Variants in PUS7L observed in about 807,000 individuals in gnomAD.
PUS7L encodes the protein pseudouridylate synthase PUS7L.
Under a neutral mutation model 51.1 loss-of-function variants are expected in PUS7L, and 49 were observed. The ratio of observed to expected loss-of-function variants is 0.96; its 90% CI spans 0.76 to 1.22. The LOEUF (loss-of-function observed/expected upper bound fraction) is 1.22, where lower values mean the gene tolerates loss of function less well. PUS7L is among the 50% of genes most tolerant of loss of function. The pLI is 0.00. For missense variants in PUS7L, 828 were observed against 820.6 expected (o/e 1.01, Z -0.11); for synonymous variants, 277 against 276.2 (o/e 1.00, Z -0.03).
intron 3 of PUS7L, among the ~76,000 whole-genome samples, chr12:43,747,029 T>C (rs1330214582): frequency 1.3e-5 from 2 of 152,188 alleles, no homozygotes; most frequent in Non-Finnish European, 2.9e-5. Flanking sequence ...ACCTTTTTTG[T>C]CCCCCATATA....
At position 43,746,730 on chromosome 12, in the gene PUS7L, A is replaced by T. The variant is rs144718971; in HGVS notation, c.1071-492T>A. On this transcript the variant is annotated intron_variant, in intron 3 of 8. Transcript: ENST00000344862. ...TTTTTAGAGTAACTTGTATGACCCT[A>T]TAAGGGCTGATTTAAAATTTCCTTT... 2.6e-3 allele frequency among the ~76,000 whole-genome samples: 398 copies of T among 152,326 alleles called. 4 individuals are homozygous for T. The highest frequency in any genetic ancestry group is 5.6e-3 in the Admixed American group (85 of 15,294).
At chr12:43,735,296 G>A (rs946386195) in intron 7 of PUS7L, among the ~76,000 whole-genome samples, 2 of 151,278 alleles carry the variant, frequency 1.3e-5, no homozygotes, top group Non-Finnish European at 2.9e-5. Flanking sequence ...CAGCCTGGGC[G>A]ACAGAGCGAG....
At chr12:43,757,617 G>A (rs545197463) in intron 1 of PUS7L, among the ~76,000 whole-genome samples, 1 of 152,268 alleles carries the variant, frequency 6.6e-6, no homozygotes, top group East Asian at 1.9e-4. Flanking sequence ...TACTACTGAT[G>A]ATCACACATT....
chr12:43,730,160 C>A lies in PUS7L; in HGVS notation c.*216G>T, dbSNP rs1458506422. 4.0e-6 allele frequency: 2 copies of A among 497,470 alleles called. No homozygotes were observed. The highest frequency in any genetic ancestry group is 5.2e-4 in the Middle Eastern group (1 of 1,914). 30.8% of individuals were successfully genotyped at this position (497,470 alleles called of 1,614,324 possible). A position where few individuals can be genotyped will look rare whatever the true frequency, so the allele number is the denominator to read the frequency against. ...ACTGAAACATATAATAGAAAAAAAA[C>A]ACAGGCTTTGGGGTCACATGGACCT... On this transcript the variant is annotated 3_prime_UTR_variant, in exon 9 of 9. Transcript: ENST00000344862.
Position 43,729,395 on chromosome 12 carries a change from A to G in PUS7L, c.*981T>C, listed in dbSNP as rs1018156941. 7.8e-6 allele frequency: 3 copies of G among 384,036 alleles called. No individual in the cohort carries two copies. Among genetic ancestry groups the G allele is most frequent in the African/African-American group, 6.2e-5 (3 of 48,350 alleles). The allele number at this position is 384,036 out of a possible 1,614,324, so 23.8% of individuals were successfully genotyped here. A position where few individuals can be genotyped will look rare whatever the true frequency, so the allele number is the denominator to read the frequency against. Reference sequence around the variant, plus strand: ...TTATATCTTACCAACAATGAAAGAAATGCTCAGATCTTCCTAAATCAATAC... The same window carrying G: ...TTATATCTTACCAACAATGAAAGAAGTGCTCAGATCTTCCTAAATCAATAC... On this transcript the variant is annotated 3_prime_UTR_variant, in exon 9 of 9. Transcript: ENST00000344862.
At chr12:43,733,242 C>CT (rs1413727918) in intron 7 of PUS7L, among the ~76,000 whole-genome samples, 2 of 152,112 alleles carry the variant, frequency 1.3e-5, no homozygotes, top group Non-Finnish European at 2.9e-5. Flanking sequence ...TCTAGTAACT[C>CT]TATCAAAAGA....
At chr12:43,747,674 C>A (rs1938236492) in intron 3 of PUS7L, among the ~76,000 whole-genome samples, 1 of 151,460 alleles carries the variant, frequency 6.6e-6, no homozygotes, top group African/African-American at 2.4e-5. Flanking sequence ...GCCTGGGCAA[C>A]AAGGGCAAAA....
chr12:43,733,004 C>T (rs1053755328), intron 7 of PUS7L, among the ~76,000 whole-genome samples: 2 of 152,110 alleles, frequency 1.3e-5, no homozygotes, highest in East Asian at 3.9e-4. Flanking sequence ...ATGAAAACAT[C>T]GAATAAACAT....
At chr12:43,742,394 C>G in intron 5 of PUS7L, 63 bp downstream of exon 5, 1 of 1,125,552 alleles carries the variant, frequency 8.9e-7, no homozygotes, top group Non-Finnish European at 1.3e-6. Context: ...AAGCAAGGAG[C>G]TGGGTTATGT....
chr12:43,748,763 C>A (rs539175391), intron 2 of PUS7L, among the ~76,000 whole-genome samples, 154 bp from the exon 3 acceptor site: 5 of 152,238 alleles, frequency 3.3e-5, no homozygotes, highest in African/African-American at 7.2e-5. Context: ...GTCACTCTGT[C>A]ACCAGGCTGC....
At chr12:43,756,955 G>A (rs1432874994) in intron 1 of PUS7L, among the ~76,000 whole-genome samples, 1 of 152,116 alleles carries the variant, frequency 6.6e-6, no homozygotes, top group Admixed American at 6.5e-5. Context: ...GGCTTCCAAG[G>A]ACATCTAAGA....
At chr12:43,748,292 G>A (rs541954617) in intron 3 of PUS7L, among the ~76,000 whole-genome samples, 158 bp downstream of exon 3, 1 of 151,996 alleles carries the variant, frequency 6.6e-6, no homozygotes, top group African/African-American at 2.4e-5. Flanking sequence ...GATAATAAAG[G>A]CATAATATAA....
intron 2 of PUS7L, among the ~76,000 whole-genome samples, chr12:43,752,297 AT>A (rs1490558855): frequency 6.6e-6 from 1 of 152,206 alleles, no homozygotes; most frequent in Non-Finnish European, 1.5e-5. Context: ...TGTTTTGAGT[AT>A]CCTCACAGCA....
At chr12:43,757,405 T>C (rs1337120926) in intron 1 of PUS7L, among the ~76,000 whole-genome samples, 1 of 152,210 alleles carries the variant, frequency 6.6e-6, no homozygotes, top group East Asian at 1.9e-4. Context: ...ACTCCTGACC[T>C]CGTGATCCAC....
intron 7 of PUS7L, 127 bp downstream of exon 7, chr12:43,736,254 A>C: frequency 1.2e-6 from 1 of 801,524 alleles, no homozygotes; most frequent in East Asian, 2.7e-5. Flanking sequence ...GAGATGAGTA[A>C]ATATAAGTAC....
intron 5 of PUS7L, among the ~76,000 whole-genome samples, chr12:43,741,501 C>G (rs1411822481): frequency 6.6e-6 from 1 of 152,238 alleles, no homozygotes; most frequent in Non-Finnish European, 1.5e-5. Context: ...AGTAGAACAT[C>G]TGCTGCATCC....
chr12:43,733,998 G>A (rs1944622144), intron 7 of PUS7L, among the ~76,000 whole-genome samples: 1 of 152,090 alleles, frequency 6.6e-6, no homozygotes, highest in African/African-American at 2.4e-5. Context: ...TGATGTTCTG[G>A]CTTATGCAAT....
Position 43,729,047 on chromosome 12 carries a change from A to G in PUS7L, c.*1329T>C, listed in dbSNP as rs1321797261. The G allele has an allele frequency of 7.8e-6, 3 of 385,770 alleles. No individual in the cohort carries two copies. Among genetic ancestry groups the G allele is most frequent in the Non-Finnish European group, 1.4e-5 (3 of 217,842 alleles). 23.9% of individuals were successfully genotyped at this position (385,770 alleles called of 1,614,324 possible). A position where few individuals can be genotyped will look rare whatever the true frequency, so the allele number is the denominator to read the frequency against. On this transcript the variant is annotated 3_prime_UTR_variant, in exon 9 of 9. Coordinates refer to ENST00000344862, the MANE Select transcript of PUS7L (RefSeq NM_031292.5). ...CAGAGTATTATTGCAGTTGTAACAT[A>G]TGTGTTCTACTTTTAGGGGGCAACA...
chr12:43,720,566 G>A lies in PUS7L; in HGVS notation c.*9810C>T, dbSNP rs192169017. 6.6e-6 allele frequency: 1 copy of A among 152,302 alleles called. No individual in the cohort carries two copies. Among genetic ancestry groups the A allele is most frequent in the South Asian group, 2.1e-4 (1 of 4,824 alleles). 9.4% of individuals were successfully genotyped at this position (152,302 alleles called of 1,614,324 possible). A position where few individuals can be genotyped will look rare whatever the true frequency, so the allele number is the denominator to read the frequency against. On this transcript the variant is annotated 3_prime_UTR_variant, in exon 9 of 9. Coordinates refer to ENST00000344862, the MANE Select transcript of PUS7L (RefSeq NM_031292.5). ...TTTGTTGTTCATTTCTAGCCTAATT[G>A]TGTTGTGGCAAAAGAATATACTCAT...
Sources: gnomAD v4.1 joint callset for allele counts (sites outside exome capture counted in the v4.1 genomes callset) on GRCh38, gnomAD v4.1.1 for gene constraint, MANE v1.5 for transcripts, NCBI Gene and HGNC (gene_info 2026-07-23, HGNC 2026-07-21) for gene names.